TRPC1: variants seen among roughly 807,000 people sequenced by gnomAD.
TRPC1 encodes short transient receptor potential channel 1.
A neutral mutation model predicts 88.2 loss-of-function variants in TRPC1; 42 were observed. That is an observed-to-expected ratio of 0.48 (90% CI 0.37 to 0.62). TRPC1 has a LOEUF of 0.62. Among genes scored for constraint, TRPC1 ranks in the 20% least tolerant of loss-of-function variants. The pLI, the probability that TRPC1 is intolerant of heterozygous loss-of-function variation, is 0.00. For missense variants in TRPC1, 699 were observed against 957.3 expected, an observed-to-expected ratio of 0.73 and a Z score of 3.56; for synonymous variants, 288 against 331.8, an observed-to-expected ratio of 0.87 and a Z score of 1.43.
At chr3:142,739,002 G>A (rs979720767) in intron 2 of TRPC1, among the ~76,000 whole-genome samples, 8 of 151,820 alleles carry the variant, frequency 5.3e-5, no homozygotes, top group East Asian at 3.9e-4. Context: ...ATGGAGTTTC[G>A]CTCTTGTTGC....
intron 7 of TRPC1, chr3:142,785,250 T>TA (rs1455807043): frequency 2.0e-5 from 8 of 404,846 alleles, no homozygotes; most frequent in Non-Finnish European, 3.5e-5. Context: ...GCATCTCTCT[T>TA]ATTTAATATT....
chr3:142,745,726 A>G (rs921857888), intron 3 of TRPC1, among the ~76,000 whole-genome samples: 2 of 152,112 alleles, frequency 1.3e-5, no homozygotes, highest in African/African-American at 4.8e-5. Flanking sequence ...AATACACTCA[A>G]TGACAGCAAG....
chr3:142,794,755 G>A (rs1010841916), intron 9 of TRPC1, among the ~76,000 whole-genome samples: 3 of 152,032 alleles, frequency 2.0e-5, no homozygotes, highest in Non-Finnish European at 1.5e-5. Flanking sequence ...CTCATCCGAC[G>A]GGATTAGAAG....
At chr3:142,787,995 C>T (rs1248925923) in intron 7 of TRPC1, among the ~76,000 whole-genome samples, 1 of 152,190 alleles carries the variant, frequency 6.6e-6, no homozygotes, top group Non-Finnish European at 1.5e-5. Context: ...TAAAGGCTAA[C>T]ATTTCTGGAG....
chr3:142,786,310 G>C (rs1936132409), intron 7 of TRPC1, among the ~76,000 whole-genome samples: 2 of 151,886 alleles, frequency 1.3e-5, no homozygotes, highest in Admixed American at 1.3e-4. Context: ...ACTTTCATAA[G>C]TTATTTCACA....
chr3:142,804,231 A>G, intron 11 of TRPC1, 53 bp downstream of exon 11: 1 of 1,513,854 alleles, frequency 6.6e-7, no homozygotes, highest in Non-Finnish European at 9.1e-7. Flanking sequence ...TACTAAGTGC[A>G]TACAATAGAT....
At chr3:142,732,338 G>A (rs1933955268) in intron 1 of TRPC1, among the ~76,000 whole-genome samples, 1 of 152,140 alleles carries the variant, frequency 6.6e-6, no homozygotes, top group African/African-American at 2.4e-5. Context: ...TGTCAGCTTT[G>A]AGTTTTCTCG....
rs532583087 is a variant in TRPC1, at chr3:142,757,372, C to T, written c.632+8912C>T. On this transcript the variant is annotated intron_variant, in intron 4 of 12. Coordinates refer to ENST00000476941, the MANE Select transcript of TRPC1 (RefSeq NM_001251845.2). ...ACATGCACACATGTTTATTGCGGCA[C>T]TATTCACAATAGCAAAGACTAGGAC... is the stretch of plus-strand genomic sequence containing the variant. 2.6e-5 allele frequency among the ~76,000 whole-genome samples: 4 copies of T among 152,058 alleles called. No individual in the cohort carries two copies. In the South Asian group the frequency reaches 6.2e-4, roughly 24 times the overall value.
At chr3:142,762,381 A>T in intron 4 of TRPC1, among the ~76,000 whole-genome samples, 1 of 137,880 alleles carries the variant, frequency 7.3e-6, no homozygotes, top group Non-Finnish European at 1.6e-5. Flanking sequence ...TTCTGCTTCG[A>T]TCTTTATTTC....
intron 2 of TRPC1, among the ~76,000 whole-genome samples, chr3:142,740,806 G>A (rs1332024592): frequency 1.3e-5 from 2 of 152,192 alleles, no homozygotes; most frequent in African/African-American, 4.8e-5. Flanking sequence ...AAAACGAGTG[G>A]TAAGAGAAAG....
Position 142,806,038 on chromosome 3 carries a change from G to T in TRPC1, c.2185G>T (p.Glu729Ter). The part of the protein sequence containing the change: ...EWRNLKQKRD[E>*]NYQKVMCCLV... ...GAGGAATTTGAAACAGAAGAGAGAT[G>T]AAAACTATCAAAAAGTGATGTGCTG... Residue 729 changes from glutamate (E) to a stop codon, truncating the protein, a stop_gained, in exon 13 of 13, where the codon GAA (glutamate) becomes TAA (stop). Coordinates refer to ENST00000476941, the MANE Select transcript of TRPC1 (RefSeq NM_001251845.2). LOFTEE classifies it high-confidence loss of function. 6.2e-7 allele frequency: 1 copy of T among 1,613,528 alleles called. No individual in the cohort carries two copies. Among genetic ancestry groups the T allele is most frequent in the East Asian group, 2.2e-5 (1 of 44,824 alleles).
chr3:142,752,466 A>G (rs1406242341), intron 4 of TRPC1, among the ~76,000 whole-genome samples: 1 of 152,242 alleles, frequency 6.6e-6, no homozygotes, highest in African/African-American at 2.4e-5. Flanking sequence ...CTCCCGCCAC[A>G]GGGCAGCTTT....
chr3:142,725,591 G>C (rs1577933032), intron 1 of TRPC1, among the ~76,000 whole-genome samples: 1 of 152,026 alleles, frequency 6.6e-6, no homozygotes, highest in East Asian at 1.9e-4. Context: ...ATAACAAAAG[G>C]GATAGGAAAT....
chr3:142,806,514 G>T lies in TRPC1; in HGVS notation c.*279G>T. 4.7e-6 allele frequency: 1 copy of T among 214,196 alleles called. No homozygotes were observed. The highest frequency in any genetic ancestry group is 1.0e-4 in the South Asian group (1 of 9,700). The allele number at this position is 214,196 out of a possible 1,614,324, so 13.3% of individuals were successfully genotyped here. On this transcript the variant is annotated 3_prime_UTR_variant, in exon 13 of 13. Transcript: ENST00000476941. The stretch of plus-strand genomic sequence containing the variant: ...GTTTTCTTACTTAGTGCTTTAAAAT[G>T]TTTTTTTTTATGTTTAAGAGGGGCA...
intron 4 of TRPC1, among the ~76,000 whole-genome samples, chr3:142,756,772 T>A (rs1339807264): frequency 2.0e-5 from 3 of 152,150 alleles, no homozygotes; most frequent in Non-Finnish European, 4.4e-5. Context: ...TTTTAAAAAT[T>A]TTTTTATTTC....
intron 8 of TRPC1, among the ~76,000 whole-genome samples, chr3:142,791,999 T>G (rs991277794): frequency 2.0e-5 from 3 of 152,022 alleles, no homozygotes; most frequent in Non-Finnish European, 4.4e-5. Context: ...ATATATAATA[T>G]TCTCTGTTTT....
At chr3:142,731,272 TCTAA>T (rs953408194) in intron 1 of TRPC1, among the ~76,000 whole-genome samples, 28 of 152,056 alleles carry the variant, frequency 1.8e-4, no homozygotes, top group African/African-American at 6.8e-4. Context: ...GTTAACAAGG[TCTAA>T]CTAAGTCCTA....
At chr3:142,780,779 G>GATGGAA (rs1399311283) in intron 5 of TRPC1, 55 bp from the exon 6 acceptor site, 1 of 1,501,708 alleles carries the variant, frequency 6.7e-7, no homozygotes, top group African/African-American at 1.4e-5. Flanking sequence ...AGTGAATATA[G>GATGGAA]CTTAATTAGA....
At chr3:142,757,290 TA>T (rs1208204912) in intron 4 of TRPC1, among the ~76,000 whole-genome samples, 92 of 151,458 alleles carry the variant, frequency 6.1e-4, no homozygotes, top group East Asian at 3.9e-4. Context: ...TTCTTTTTTT[TA>T]AAAAAAAATT....
Sources: gnomAD v4.1 joint callset for allele counts (sites outside exome capture counted in the v4.1 genomes callset) on GRCh38, gnomAD v4.1.1 for gene constraint, MANE v1.5 for transcripts, NCBI Gene and HGNC (gene_info 2026-07-23, HGNC 2026-07-21) for gene names.